Variants in EDIL3 observed in about 807,000 individuals in gnomAD.
EDIL3 encodes EGF-like repeat and discoidin I-like domain-containing protein 3.
EDIL3 carries 37 observed loss-of-function variants against 67.4 expected under a neutral mutation model. The ratio of observed to expected loss-of-function variants is 0.55; its 90% CI spans 0.42 to 0.72. The LOEUF is 0.72. Ranked by LOEUF, EDIL3 falls within the 30% of genes least tolerant of loss-of-function variation. The pLI, the probability that EDIL3 is intolerant of heterozygous loss-of-function variation, is 0.00. For missense variants in EDIL3, 527 were observed against 586.3 expected (o/e 0.90, Z 1.04); for synonymous variants, 195 against 196.3 (o/e 0.99, Z 0.05).
chr5:84,358,777 T>C (rs1041284817), intron 1 of EDIL3, among the ~76,000 whole-genome samples: 1 of 151,642 alleles, frequency 6.6e-6, no homozygotes, highest in African/African-American at 2.4e-5. Flanking sequence ...GCCCGGCTAA[T>C]TTTTTGTATT....
chr5:84,056,222 C>CA (rs1423423713), intron 9 of EDIL3, among the ~76,000 whole-genome samples: 11 of 151,252 alleles, frequency 7.3e-5, no homozygotes, highest in Non-Finnish European at 7.4e-5. Context: ...ATCGCAAGGA[C>CA]AAAAAACCAA....
chr5:83,947,189 A>T (rs1561382004), intron 10 of EDIL3, among the ~76,000 whole-genome samples: 2 of 151,878 alleles, frequency 1.3e-5, no homozygotes, highest in Non-Finnish European at 2.9e-5. Context: ...TGGAAATATA[A>T]AGGTTGAGTG....
At chr5:84,134,151 TAATTA>T (rs566759828) in intron 5 of EDIL3, among the ~76,000 whole-genome samples, 3 of 152,174 alleles carry the variant, frequency 2.0e-5, no homozygotes, top group Non-Finnish European at 4.4e-5. Flanking sequence ...ATAGCTAAAT[TAATTA>T]AAGACACACA....
At chr5:84,109,331 C>T (rs957056627) in intron 5 of EDIL3, among the ~76,000 whole-genome samples, 1 of 152,058 alleles carries the variant, frequency 6.6e-6, no homozygotes, top group Non-Finnish European at 1.5e-5. Flanking sequence ...CATGGTGAAA[C>T]CCTGTCTCTA....
chr5:84,374,860 C>A (rs150268529), intron 1 of EDIL3, among the ~76,000 whole-genome samples: 1 of 152,128 alleles, frequency 6.6e-6, no homozygotes, highest in Non-Finnish European at 1.5e-5. Flanking sequence ...GCTTCCCCTT[C>A]GGCTTCCACC....
chr5:84,031,381 GATA>G (rs1745920759), intron 9 of EDIL3, among the ~76,000 whole-genome samples: 1 of 152,132 alleles, frequency 6.6e-6, no homozygotes, highest in Admixed American at 6.5e-5. Context: ...CAAAAAGATG[GATA>G]ATAATTTTTT....
At chr5:84,023,860 T>C (rs533237802) in intron 9 of EDIL3, among the ~76,000 whole-genome samples, 1 of 152,260 alleles carries the variant, frequency 6.6e-6, no homozygotes, top group South Asian at 2.1e-4. Flanking sequence ...TTTCCATATT[T>C]AAATCACTTG....
chr5:84,300,147 G>T (rs1282929076), intron 1 of EDIL3, among the ~76,000 whole-genome samples: 1 of 152,198 alleles, frequency 6.6e-6, no homozygotes, highest in Non-Finnish European at 1.5e-5. Context: ...CCTTCTGGAG[G>T]CTAGGGGGAA....
intron 1 of EDIL3, among the ~76,000 whole-genome samples, chr5:84,356,026 A>G (rs1474650346): frequency 6.6e-6 from 1 of 152,240 alleles, no homozygotes; most frequent in African/African-American, 2.4e-5. Context: ...CTTCCAAATC[A>G]GAGCAGATGG....
At chr5:83,960,647 A>T (rs1214060971) in intron 10 of EDIL3, among the ~76,000 whole-genome samples, 1 of 151,010 alleles carries the variant, frequency 6.6e-6, no homozygotes, top group Non-Finnish European at 1.5e-5. Context: ...GGGCCTTAAC[A>T]TTCATTTGAA....
intron 9 of EDIL3, among the ~76,000 whole-genome samples, chr5:84,018,906 A>C (rs571199173): frequency 6.6e-6 from 1 of 152,280 alleles, no homozygotes; most frequent in South Asian, 2.1e-4. Context: ...CAGGTGCTGG[A>C]GAGGATGTGG....
At chr5:83,986,241 C>T (rs1221278061) in intron 9 of EDIL3, among the ~76,000 whole-genome samples, 1 of 152,076 alleles carries the variant, frequency 6.6e-6, no homozygotes, top group Non-Finnish European at 1.5e-5. Context: ...TGCAAAATTT[C>T]TTAAACTCTT....
chr5:84,248,202 C>T lies in EDIL3; in HGVS notation c.196+5882G>A, dbSNP rs184449072. 2.1e-4 allele frequency among the ~76,000 whole-genome samples: 32 copies of T among 152,244 alleles called. No individual in the cohort carries two copies. In the East Asian group the frequency reaches 3.7e-3, roughly 17 times the overall value. ...CCACAGTCAAGCTCTTTCTCCACAA[C>T]GCCAGCAAAACTAATCTTCCGTAAA... On this transcript the variant is annotated intron_variant, in intron 2 of 10. Transcript: ENST00000296591.
chr5:83,948,438 A>G (rs1225319168), intron 10 of EDIL3, among the ~76,000 whole-genome samples: 1 of 151,756 alleles, frequency 6.6e-6, no homozygotes, highest in African/African-American at 2.4e-5. Context: ...CGGAATTAGT[A>G]TGCATGAATC....
intron 1 of EDIL3, among the ~76,000 whole-genome samples, chr5:84,277,617 T>G (rs923196653): frequency 3.9e-5 from 6 of 152,178 alleles, no homozygotes; most frequent in African/African-American, 1.4e-4. Flanking sequence ...TCAGTATGAG[T>G]GCCATAACTT....
intron 1 of EDIL3, among the ~76,000 whole-genome samples, chr5:84,314,460 T>C (rs1426245456): frequency 6.6e-6 from 1 of 152,226 alleles, no homozygotes; most frequent in South Asian, 2.1e-4. Flanking sequence ...ATAAAATGAA[T>C]GCATGCAAAG....
chr5:84,314,840 A>G (rs966961333), intron 1 of EDIL3, among the ~76,000 whole-genome samples: 1 of 152,160 alleles, frequency 6.6e-6, no homozygotes, highest in African/African-American at 2.4e-5. Context: ...AATCCCAGGA[A>G]TCAAAGAAAT....
At chr5:83,990,801 A>G (rs1286117148) in intron 9 of EDIL3, among the ~76,000 whole-genome samples, 4 of 151,554 alleles carry the variant, frequency 2.6e-5, no homozygotes, top group African/African-American at 4.9e-5. Flanking sequence ...AATTGCTTGA[A>G]CCCGAGAGGT....
intron 9 of EDIL3, among the ~76,000 whole-genome samples, chr5:83,971,506 A>C (rs777592104): frequency 5.3e-5 from 8 of 151,872 alleles, no homozygotes; most frequent in Non-Finnish European, 1.2e-4. Context: ...GACCTCAAGC[A>C]ATCCTCCACC....
Sources: gnomAD v4.1 joint callset for allele counts (sites outside exome capture counted in the v4.1 genomes callset) on GRCh38, gnomAD v4.1.1 for gene constraint, MANE v1.5 for transcripts, NCBI Gene and HGNC (gene_info 2026-07-23, HGNC 2026-07-21) for gene names.